The following LYPLA1 variants were observed in gnomAD, a reference collection of about 807,000 sequenced individuals.
LYPLA1 encodes acyl-protein thioesterase 1.
In LYPLA1, 17 loss-of-function variants were observed where a neutral mutation model predicts 34.0. That is an observed-to-expected ratio of 0.50 (90% CI 0.34 to 0.75). LYPLA1 has a LOEUF of 0.75. LYPLA1 is among the 30% of genes least tolerant of loss of function. The pLI is 0.01. For synonymous variants in LYPLA1, 98 were observed against 100.8 expected, an observed-to-expected ratio of 0.97 and a Z score of 0.17; for missense variants, 203 against 288.8, an observed-to-expected ratio of 0.70 and a Z score of 2.15.
chr8:54,098,817 G>A (rs1809886673), intron 2 of LYPLA1, among the ~76,000 whole-genome samples: 1 of 152,238 alleles, frequency 6.6e-6, no homozygotes, highest in Non-Finnish European at 1.5e-5. Context: ...CAAAACTGCA[G>A]GTAAGGGGAG....
chr8:54,043,312 CGTTGCCCAGGCTGGAGTCAGTGGT>C (rs1464406479), downstream of LYPLA1: 1 of 151,878 alleles, frequency 6.6e-6, no homozygotes, highest in East Asian at 1.9e-4. Context: ...AGTCTCGCTC[CGTTGCCCAGGCTGGAGTCAGTGGT>C]GTGATCTCGG....
chr8:54,065,406 C>G (rs1281041250), intron 3 of LYPLA1, among the ~76,000 whole-genome samples: 3 of 151,416 alleles, frequency 2.0e-5, no homozygotes, highest in Non-Finnish European at 4.4e-5. Context: ...TGCAGTGAGC[C>G]GAGATCACGC....
At chr8:54,073,851 A>G (rs1050890467) in intron 2 of LYPLA1, among the ~76,000 whole-genome samples, 49 of 152,226 alleles carry the variant, frequency 3.2e-4, no homozygotes, top group African/African-American at 1.2e-3. Flanking sequence ...TAATTCTACC[A>G]AAGTCTTCTT....
At chr8:54,083,398 T>C (rs578242115) in intron 2 of LYPLA1, among the ~76,000 whole-genome samples, 2 of 152,348 alleles carry the variant, frequency 1.3e-5, no homozygotes, top group Admixed American at 6.5e-5. Context: ...TTTCATAGTA[T>C]GAATATACAA....
chr8:54,048,314 G>A (rs1805612402), intron 8 of LYPLA1, among the ~76,000 whole-genome samples, 196 bp from the exon 9 acceptor site: 1 of 152,142 alleles, frequency 6.6e-6, no homozygotes, highest in African/African-American at 2.4e-5. Context: ...ATTGTACACT[G>A]AAATGACAGC....
At chr8:54,075,663 C>G (rs929359012) in intron 2 of LYPLA1, among the ~76,000 whole-genome samples, 3 of 152,174 alleles carry the variant, frequency 2.0e-5, no homozygotes, top group Admixed American at 2.0e-4. Context: ...ACACAGAGAA[C>G]AATTATACTT....
intron 8 of LYPLA1, 40 bp downstream of exon 8, chr8:54,050,972 G>A (rs1303210944): frequency 6.6e-7 from 1 of 1,510,120 alleles, no homozygotes; most frequent in Non-Finnish European, 8.9e-7. Context: ...CATGAAAAAA[G>A]TTACAAATAT....
rs1160728215 is a variant in LYPLA1 at position 54,051,198 on chromosome 8, G to A, written c.463-10C>T. ...CACCACCGATAGGACCCTGCAAAAA[G>A]CAAAAGAAGAAATAGTTTTATTTTT... On this transcript the variant is annotated splice_polypyrimidine_tract_variant and intron_variant, in intron 7 of 8. Transcript: ENST00000316963. The A allele has an allele frequency of 1.3e-6, 2 of 1,577,528 alleles. No homozygotes were observed. The highest frequency in any genetic ancestry group is 2.3e-5 in the East Asian group (1 of 44,334).
intron 5 of LYPLA1, among the ~76,000 whole-genome samples, chr8:54,058,810 C>G (rs923018930): frequency 6.6e-6 from 1 of 151,626 alleles, no homozygotes; most frequent in Non-Finnish European, 1.5e-5. Flanking sequence ...CTCAAGTGAT[C>G]CTCCTGCCTC....
chr8:54,085,826 G>C (rs540204361), intron 2 of LYPLA1, among the ~76,000 whole-genome samples: 2 of 133,422 alleles, frequency 1.5e-5, no homozygotes, highest in African/African-American at 5.7e-5. Flanking sequence ...GGCAGCCCCC[G>C]GCCGGCCAGC....
At chr8:54,054,184 T>C (rs962690326) in intron 6 of LYPLA1, among the ~76,000 whole-genome samples, 2 of 152,122 alleles carry the variant, frequency 1.3e-5, no homozygotes, top group African/African-American at 4.8e-5. Context: ...GGTTTCACCA[T>C]GTTGGCTGGG....
chr8:54,099,183 A>C (rs1293289332), intron 2 of LYPLA1, among the ~76,000 whole-genome samples: 3 of 151,940 alleles, frequency 2.0e-5, no homozygotes, highest in Non-Finnish European at 4.4e-5. Flanking sequence ...TTATTGGCAA[A>C]GTTAGAGGAT....
Position 54,047,915 on chromosome 8 carries a change from G to A in LYPLA1, c.*150C>T. On this transcript the variant is annotated 3_prime_UTR_variant, in exon 9 of 9. Transcript: ENST00000316963. ...TAAAAGATCATAAATTTCTCATGAG[G>A]AGATATTATTTGATCTGTGTTATTG... The A allele has an allele frequency of 1.9e-6, 1 of 516,166 alleles. No homozygotes were observed. The highest frequency in any genetic ancestry group is 3.0e-5 in the East Asian group (1 of 32,796). 32.0% of individuals were successfully genotyped at this position (516,166 alleles called of 1,614,324 possible).
intron 2 of LYPLA1, among the ~76,000 whole-genome samples, chr8:54,067,408 C>A (rs898281132): frequency 6.6e-6 from 1 of 152,190 alleles, no homozygotes; most frequent in African/African-American, 2.4e-5. Context: ...CATACATACA[C>A]GTTCAAAGCA....
intron 5 of LYPLA1, among the ~76,000 whole-genome samples, chr8:54,061,652 G>A (rs1409563004): frequency 2.0e-5 from 3 of 152,022 alleles, no homozygotes; most frequent in Non-Finnish European, 4.4e-5. Context: ...GGTGGTGTGC[G>A]CCTCCATGGT....
chr8:54,092,394 A>G (rs969219172), intron 2 of LYPLA1, among the ~76,000 whole-genome samples: 7 of 152,026 alleles, frequency 4.6e-5, no homozygotes, highest in East Asian at 1.9e-4. Context: ...AGAAAGAAGA[A>G]GAGGAGGCAT....
chr8:54,068,692 CA>C (rs1807255288), intron 2 of LYPLA1, among the ~76,000 whole-genome samples: 1 of 152,034 alleles, frequency 6.6e-6, no homozygotes, highest in South Asian at 2.1e-4. Context: ...AAACACTGAC[CA>C]AATACCTAAA....
At chr8:54,067,693 A>ATTTTTTTTTTTTTTTTTTTTTTTTTTAT (rs762583097) in intron 2 of LYPLA1, among the ~76,000 whole-genome samples, 1 of 135,520 alleles carries the variant, frequency 7.4e-6, no homozygotes, top group Admixed American at 7.5e-5. Flanking sequence ...ATGAATGTTA[A>ATTTTTTTTTTTTTTTTTTTTTTTTTTAT]TTTTTTTTTT....
At chr8:54,060,858 A>G (rs531444296) in intron 5 of LYPLA1, among the ~76,000 whole-genome samples, 3 of 151,002 alleles carry the variant, frequency 2.0e-5, no homozygotes, top group Admixed American at 6.6e-5. Context: ...ACGCCTGGCT[A>G]ATTTTTTTGT....
Sources: allele counts gnomAD v4.1 joint callset (sites outside exome capture counted in the v4.1 genomes callset), GRCh38; gene constraint gnomAD v4.1.1; transcripts MANE v1.5; gene names NCBI Gene and HGNC (gene_info 2026-07-23, HGNC 2026-07-21).